Variants in IRF2 observed in about 807,000 individuals in gnomAD.
IRF2 encodes interferon regulatory factor 2.
A neutral mutation model predicts 40.6 loss-of-function variants in IRF2; 15 were observed. The ratio of observed to expected loss-of-function variants is 0.37; its 90% confidence interval spans 0.25 to 0.57. The LOEUF is 0.57. Among genes scored for constraint, IRF2 ranks in the 20% least tolerant of loss-of-function variants. The pLI is 0.77. For synonymous variants in IRF2, 151 were observed against 165.5 expected (o/e 0.91, Z 0.67); for missense variants, 317 against 455.7 (o/e 0.70, Z 2.77).
chr4:184,434,811 T>C (rs1738019530), intron 1 of IRF2, among the ~76,000 whole-genome samples: 1 of 152,232 alleles, frequency 6.6e-6, no homozygotes, highest in Admixed American at 6.5e-5. Context: ...TTCACCCAAA[T>C]AACTGAATTT....
At chr4:184,445,236 G>A (rs1738463110) in intron 1 of IRF2, among the ~76,000 whole-genome samples, 2 of 152,218 alleles carry the variant, frequency 1.3e-5, no homozygotes, top group Non-Finnish European at 2.9e-5. Flanking sequence ...AGAACAGAAG[G>A]TGAACGTGTT....
chr4:184,394,676 T>C (rs1736382191), intron 7 of IRF2, among the ~76,000 whole-genome samples: 1 of 152,152 alleles, frequency 6.6e-6, no homozygotes, highest in Non-Finnish European at 1.5e-5. Flanking sequence ...AGATGATGTT[T>C]TCTTCTCGAG....
At chr4:184,473,046 C>A (rs913146928) in intron 1 of IRF2, among the ~76,000 whole-genome samples, 7 of 152,146 alleles carry the variant, frequency 4.6e-5, no homozygotes, top group African/African-American at 1.7e-4. Context: ...CGGACGCCGG[C>A]CCCCAGGCCG....
chr4:184,391,189 A>G (rs544540812), intron 7 of IRF2, among the ~76,000 whole-genome samples: 1 of 152,310 alleles, frequency 6.6e-6, no homozygotes, highest in African/African-American at 2.4e-5. Context: ...TCACCCCTTT[A>G]GGACTTAGAT....
At chr4:184,458,598 A>T (rs1739026332) in intron 1 of IRF2, among the ~76,000 whole-genome samples, 1 of 152,208 alleles carries the variant, frequency 6.6e-6, no homozygotes, top group Non-Finnish European at 1.5e-5. Context: ...GAGAATAAAA[A>T]TTTTTGCAAC....
rs756982090 is a variant in IRF2 at position 184,398,952 on chromosome 4, G to C, written c.657C>G (p.Leu219=). ...ACACGGGGGAGATCTGCAGAGGGTA[G>C]AGCTCGCTCATGCTGACCGGCTGCT... ...SDEQPVSMSE[L]YPLQISPVSS... The change falls in exon 7 of 9, where the codon CTC becomes CTG. Residue 219 remains leucine (L), a synonymous_variant. Transcript: ENST00000393593. 3 of 1,612,934 alleles carry C rather than the reference G, an allele frequency of 1.9e-6. No homozygotes were observed. The highest frequency in any genetic ancestry group is 3.3e-5 in the Admixed American group (2 of 59,894).
At chr4:184,422,683 G>A (rs1737524746) in intron 2 of IRF2, among the ~76,000 whole-genome samples, 1 of 152,150 alleles carries the variant, frequency 6.6e-6, no homozygotes, top group Non-Finnish European at 1.5e-5. Context: ...AGACACAAAA[G>A]GCCAAAAATT....
chr4:184,438,646 C>T (rs1738177439), intron 1 of IRF2, among the ~76,000 whole-genome samples: 1 of 152,196 alleles, frequency 6.6e-6, no homozygotes, highest in African/African-American at 2.4e-5. Context: ...ATTCGCCTGC[C>T]TTGGCCTCCC....
chr4:184,436,100 C>T (rs980238674), intron 1 of IRF2, among the ~76,000 whole-genome samples: 2 of 152,120 alleles, frequency 1.3e-5, no homozygotes, highest in African/African-American at 2.4e-5. Flanking sequence ...CCTCAGCCTC[C>T]GGAGTAGCTG....
chr4:184,448,358 G>A lies in IRF2; in HGVS notation c.-6-19288C>T, dbSNP rs1561120659. Among the ~76,000 whole-genome samples the A allele has an allele frequency of 6.6e-6, 1 of 152,192 alleles. No homozygotes were observed. Among genetic ancestry groups the A allele is most frequent in the East Asian group, 1.9e-4 (1 of 5,174 alleles). ...ATCACTTTATCTATCCATCCATAAG[G>A]GGCAGCTTAATCAAGCAACAATTAG... On this transcript the variant is annotated intron_variant, in intron 1 of 8. Coordinates refer to ENST00000393593, the MANE Select transcript of IRF2 (RefSeq NM_002199.4). This position sits in a 1 kb window ranked among gnomAD's most constrained non-coding sequence, Gnocchi z 4.3.
intron 1 of IRF2, among the ~76,000 whole-genome samples, chr4:184,440,183 A>C (rs1288772546): frequency 6.6e-6 from 1 of 152,124 alleles, no homozygotes; most frequent in Non-Finnish European, 1.5e-5. Flanking sequence ...TTGCCATGTC[A>C]GCCACCAAGG....
chr4:184,463,658 AT>A (rs200334992), intron 1 of IRF2, among the ~76,000 whole-genome samples: 110 of 147,954 alleles, frequency 7.4e-4, no homozygotes, highest in African/African-American at 2.5e-3. Flanking sequence ...ATATATATAT[AT>A]TTTTTTTTTG....
rs1225272079 is a variant in IRF2 at position 184,405,924 on chromosome 4, G to A, written c.529+2234C>T. Among the ~76,000 whole-genome samples the A allele has an allele frequency of 2.0e-5, 3 of 152,164 alleles. No individual in the cohort carries two copies. In the South Asian group the frequency reaches 6.2e-4, roughly 32 times the overall value. ...TCGGTTGGCACCTGGTGACTGAGGA[G>A]TGGCCCCACAGTCTCACCTCAGTGC... is the stretch of plus-strand genomic sequence containing the variant. On this transcript the variant is annotated intron_variant, in intron 6 of 8. Transcript: ENST00000393593.
chr4:184,397,122 A>G (rs1462386006), intron 7 of IRF2, among the ~76,000 whole-genome samples: 2 of 152,226 alleles, frequency 1.3e-5, no homozygotes. Flanking sequence ...ACCGAAGACA[A>G]GCTTATCCTG....
In IRF2 at chr4:184,424,408, A is replaced by T. The variant is rs73007031; in HGVS notation, c.87+4570T>A. Among the ~76,000 whole-genome samples, 1,503 of 152,254 alleles carry T rather than the reference A, an allele frequency of 9.9e-3. 21 individuals are homozygous for T. Among genetic ancestry groups the T allele is most frequent in the African/African-American group, 0.035 (1,456 of 41,542 alleles). ...TTTAATCCCCAATGTGGCAGTACTGAGAGGTGAGGCCTTTAAGAGGTGATT... is the reference window on the plus strand; with the variant it reads ...TTTAATCCCCAATGTGGCAGTACTGTGAGGTGAGGCCTTTAAGAGGTGATT... On this transcript the variant is annotated intron_variant, in intron 2 of 8. Coordinates refer to ENST00000393593, the MANE Select transcript of IRF2 (RefSeq NM_002199.4).
chr4:184,429,567 G>T (rs1048860633), intron 1 of IRF2, among the ~76,000 whole-genome samples: 2 of 152,116 alleles, frequency 1.3e-5, no homozygotes, highest in South Asian at 2.1e-4. Context: ...TTTAAAGCTC[G>T]AAAGGAATCA....
chr4:184,446,260 C>T (rs1237369164), intron 1 of IRF2, among the ~76,000 whole-genome samples: 1 of 152,150 alleles, frequency 6.6e-6, no homozygotes, highest in East Asian at 1.9e-4. Context: ...CCACAGGAAA[C>T]TAATAGAGTA....
intron 7 of IRF2, among the ~76,000 whole-genome samples, chr4:184,393,031 T>C (rs146038136): frequency 1.4e-4 from 21 of 151,992 alleles, no homozygotes; most frequent in African/African-American, 4.6e-4. Flanking sequence ...CAGAAACACA[T>C]GAAAACCAAC....
intron 1 of IRF2, among the ~76,000 whole-genome samples, chr4:184,447,292 G>A (rs1284760981): frequency 2.0e-5 from 3 of 152,148 alleles, no homozygotes; most frequent in African/African-American, 7.2e-5. Flanking sequence ...GACAATCTGA[G>A]CACCCAAATA....
Sources: gnomAD v4.1 joint callset for allele counts (sites outside exome capture counted in the v4.1 genomes callset) on GRCh38, gnomAD v4.1.1 for gene constraint, Gnocchi (gnomAD v3.1) non-coding constraint, MANE v1.5 for transcripts, NCBI Gene and HGNC (gene_info 2026-07-23, HGNC 2026-07-21) for gene names.